HTT: variants seen among roughly 807,000 people sequenced by gnomAD.
HTT encodes the protein huntington disease protein.
Under a neutral mutation model 362.3 loss-of-function variants are expected in HTT, and 104 were observed. The ratio of observed to expected loss-of-function variants is 0.29; its 90% CI spans 0.24 to 0.34. HTT has a LOEUF of 0.34. HTT is among the 10% of genes least tolerant of loss of function. The pLI is 1.00. For missense variants in HTT, 3,301 were observed against 3,928.6 expected, an observed-to-expected ratio of 0.84 and a Z score of 4.27; for synonymous variants, 1,577 against 1,548.7, an observed-to-expected ratio of 1.02 and a Z score of -0.43.
rs1481584140 is a variant in HTT at position 3,121,544 on chromosome 4, C to T, written c.1273+112C>T. 3 of 694,344 alleles carry T rather than the reference C, an allele frequency of 4.3e-6. No individual in the cohort carries two copies. In the South Asian group the frequency reaches 5.7e-5, roughly 13 times the overall value. The allele number at this position is 694,344 out of a possible 1,614,324, so 43.0% of individuals were successfully genotyped here. A position where few individuals can be genotyped will look rare whatever the true frequency, so the allele number is the denominator to read the frequency against. ...AGCAGTCTGCATTCCATCTTCCTTG[C>T]CAAAACTTATAATACAAATTTCATC... On this transcript the variant is annotated intron_variant, in intron 9 of 66. Transcript: ENST00000355072.
Position 3,086,995 on chromosome 4 carries a change from G to A in HTT, c.320G>A (p.Cys107Tyr). The A allele has an allele frequency of 1.9e-6, 3 of 1,605,158 alleles. No individual in the cohort carries two copies. The highest frequency in any genetic ancestry group is 1.7e-6 in the Non-Finnish European group (2 of 1,172,130). Residue 107 changes from cysteine (C) to tyrosine (Y), a missense_variant, in exon 2 of 67, where the codon TGT becomes TAT. Coordinates refer to ENST00000355072, the MANE Select transcript of HTT (RefSeq NM_001388492.1). The stretch of plus-strand genomic sequence containing the variant: ...CGTGTGAATCATTGTCTGACAATAT[G>A]TGAAAACATAGTGGCACAGTCTGTC... Reference protein sequence around the residue: ...KDRVNHCLTICENIVAQSVRN... With the variant: ...KDRVNHCLTIYENIVAQSVRN...
intron 2 of HTT, among the ~76,000 whole-genome samples, chr4:3,089,910 A>G (rs993069147): frequency 2.0e-5 from 3 of 152,164 alleles, no homozygotes; most frequent in African/African-American, 7.2e-5. Context: ...CTGAGAGTTC[A>G]TTATGCTTGT....
rs1304759066 is a variant in HTT at position 3,134,505 on chromosome 4, A to G, written c.2598A>G (p.Thr866=). ...LRNSSYWLVR[T]ELLETLAEID... is the part of the protein sequence containing the mutation. ...ACAGTTCCTATTGGCTGGTGAGGAC[A>G]GAGCTTCTGGAAACCCTTGCAGAGA... Residue 866 remains threonine (T), a synonymous_variant, in exon 19 of 67, where the codon ACA becomes ACG. Transcript: ENST00000355072. The G allele has an allele frequency of 6.2e-7, 1 of 1,614,124 alleles. No individual in the cohort carries two copies. Among genetic ancestry groups the G allele is most frequent in the South Asian group, 1.1e-5 (1 of 91,080 alleles).
chr4:3,223,093 G>A (rs972254127), intron 54 of HTT, among the ~76,000 whole-genome samples: 1 of 152,182 alleles, frequency 6.6e-6, no homozygotes, highest in Non-Finnish European at 1.5e-5. Context: ...AGCTAACAGG[G>A]TGTCATAAGC....
At chr4:3,132,982 G>A in intron 18 of HTT, 71 bp downstream of exon 18, 3 of 1,120,780 alleles carry the variant, frequency 2.7e-6, no homozygotes, top group Non-Finnish European at 4.1e-6. Flanking sequence ...ATTAAAATTG[G>A]AGCTTAATAG....
chr4:3,144,133 C>T (rs1037703476), intron 23 of HTT, among the ~76,000 whole-genome samples: 2 of 152,042 alleles, frequency 1.3e-5, no homozygotes, highest in Non-Finnish European at 2.9e-5. Context: ...ATAATATTTA[C>T]ATATATACAT....
chr4:3,225,217 G>A (rs572960026), intron 56 of HTT, among the ~76,000 whole-genome samples: 6 of 152,316 alleles, frequency 3.9e-5, no homozygotes, highest in Admixed American at 1.3e-4. Flanking sequence ...GCTGTATCTG[G>A]TCAGCCTGGG....
intron 8 of HTT, among the ~76,000 whole-genome samples, chr4:3,117,585 C>T (rs1243949922): frequency 6.6e-6 from 1 of 151,854 alleles, no homozygotes; most frequent in Non-Finnish European, 1.5e-5. Context: ...GCCTGTAATC[C>T]CAGAACTTTG....
intron 3 of HTT, among the ~76,000 whole-genome samples, chr4:3,100,715 A>G (rs903181073): frequency 8.6e-5 from 13 of 151,862 alleles, no homozygotes; most frequent in African/African-American, 2.7e-4. Flanking sequence ...TTTTATTCTC[A>G]CTGGCAGGAC....
chr4:3,145,737 G>T (rs1267685926), intron 24 of HTT, among the ~76,000 whole-genome samples: 2 of 152,188 alleles, frequency 1.3e-5, no homozygotes, highest in East Asian at 3.8e-4. Context: ...TTCATTTTGT[G>T]TATCAATTAC....
At chr4:3,190,296 A>G (rs1435071287) in intron 40 of HTT, among the ~76,000 whole-genome samples, 1 of 150,296 alleles carries the variant, frequency 6.7e-6, no homozygotes, top group East Asian at 2.0e-4. Flanking sequence ...GCAGGGAGCT[A>G]TTATTGCACT....
chr4:3,131,270 A>G lies in HTT; in HGVS notation c.1987-16A>G, dbSNP rs1263784210. On this transcript the variant is annotated splice_polypyrimidine_tract_variant and intron_variant, in intron 14 of 66. Coordinates refer to ENST00000355072, the MANE Select transcript of HTT (RefSeq NM_001388492.1). ...GTTGAGTATGAGACAAACAAGTGTC[A>G]TTGTCTCCTTTCTAGCCTTGCCGCA... 1 of 1,550,862 alleles carries G rather than the reference A, an allele frequency of 6.4e-7. No individual in the cohort carries two copies. The highest frequency in any genetic ancestry group is 8.9e-7 in the Non-Finnish European group (1 of 1,122,412).
At chr4:3,144,430 G>T (rs1716500541) in intron 23 of HTT, among the ~76,000 whole-genome samples, 1 of 152,026 alleles carries the variant, frequency 6.6e-6, no homozygotes, top group South Asian at 2.1e-4. Flanking sequence ...TGATTCTCTG[G>T]CCCCAGCCTC....
At chr4:3,172,226 A>C in intron 29 of HTT, 94 bp from the exon 30 acceptor site, 3 of 787,248 alleles carry the variant, frequency 3.8e-6, no homozygotes, top group Non-Finnish European at 6.9e-6. Flanking sequence ...CACAATTTAA[A>C]TGGAAGTTAT....
intron 36 of HTT, among the ~76,000 whole-genome samples, chr4:3,181,284 G>A (rs1477625611): frequency 2.0e-5 from 3 of 152,158 alleles, no homozygotes; most frequent in Non-Finnish European, 2.9e-5. Context: ...TTTCCAAAAC[G>A]AGGACCAAAA....
rs1413876966 is a variant in HTT, at chr4:3,208,824, A to C, written c.6204A>C (p.Gln2068His). The C allele has an allele frequency of 6.2e-7, 1 of 1,614,098 alleles. No homozygotes were observed. The highest frequency in any genetic ancestry group is 1.1e-5 in the South Asian group (1 of 91,066). The stretch of plus-strand genomic sequence containing the variant: ...ACAGGTTTCGTCTCTCCACCATGCA[A>C]GACTCACTTAGTCCCTCTCCTCCAG... ...LLDRFRLSTM[Q>H]DSLSPSPPVS... The change falls in exon 46 of 67, where the codon CAA becomes CAC. Residue 2068 changes from glutamine (Q) to histidine (H), a missense_variant. Physicochemically the swap from Gln to His is conservative, Grantham distance 24. Coordinates refer to ENST00000355072, the MANE Select transcript of HTT (RefSeq NM_001388492.1).
chr4:3,204,122 G>T lies in HTT; in HGVS notation c.5692G>T (p.Ala1898Ser). The change falls in exon 42 of 67, where the codon GCT (alanine) becomes TCT (serine). Residue 1898 changes from alanine (A) to serine (S), a missense_variant. By Grantham distance (99) the Ala-to-Ser change is moderately conservative. This residue lies in a region of HTT where 2,316 missense variants were observed against 2,658.5 expected (regional missense o/e 0.87). Transcript: ENST00000355072. ...MCNREIVRRG[A>S]LILFCDYVCQ... ...CAATAGAGAAATAGTACGAAGAGGGGCTCTCATTCTCTTCTGTGATTATGT... is the reference window on the plus strand; with the variant it reads ...CAATAGAGAAATAGTACGAAGAGGGTCTCTCATTCTCTTCTGTGATTATGT... 2.5e-6 allele frequency: 4 copies of T among 1,614,190 alleles called. No individual in the cohort carries two copies. The highest frequency in any genetic ancestry group is 2.5e-6 in the Non-Finnish European group (3 of 1,180,012).
At chr4:3,229,380 C>T (rs542998866) in intron 59 of HTT, among the ~76,000 whole-genome samples, 26 of 149,164 alleles carry the variant, frequency 1.7e-4, no homozygotes, top group African/African-American at 4.0e-4. Flanking sequence ...ACACATGCCA[C>T]GTGCACACAC....
At position 3,206,182 on chromosome 4, in the gene HTT, G is replaced by A. The variant is rs1467166081; in HGVS notation, c.5719-314G>A. ...GCTGCCCCTGCTACCTGCGGATCTC[G>A]CTGAGGCCTGCCTTTGTCCTTTGAC... On this transcript the variant is annotated intron_variant, in intron 42 of 66. Transcript: ENST00000355072. The surrounding 1 kb of genome is among the most constrained non-coding windows in gnomAD (Gnocchi z 4.6). Among the ~76,000 whole-genome samples the A allele has an allele frequency of 1.3e-5, 2 of 152,234 alleles. No individual in the cohort carries two copies. The highest frequency in any genetic ancestry group is 2.4e-5 in the African/African-American group (1 of 41,450).
Sources: allele counts gnomAD v4.1 joint callset (sites outside exome capture counted in the v4.1 genomes callset), GRCh38; gene constraint gnomAD v4.1.1; regional missense constraint gnomAD v4.1.1; non-coding constraint Gnocchi (gnomAD v3.1); transcripts MANE v1.5; gene names NCBI Gene and HGNC (gene_info 2026-07-23, HGNC 2026-07-21).